ATRX: variants seen among roughly 807,000 people sequenced by gnomAD.
ATRX encodes the protein ATRX chromatin remodeler, also known as chromatin remodeler ATRX.
A neutral mutation model predicts 172.6 loss-of-function variants in ATRX; 12 were observed. That is an observed-to-expected ratio of 0.07 (90% CI 0.04 to 0.11). ATRX has a LOEUF of 0.11. ATRX is among the 10% of genes least tolerant of loss of function. The pLI is 1.00. For synonymous variants in ATRX, 674 were observed against 594.7 expected, an observed-to-expected ratio of 1.13 and a Z score of -1.94; for missense variants, 1,368 against 1,767.4, an observed-to-expected ratio of 0.77 and a Z score of 4.05.
At chrX:77,722,262 C>T (rs1161114199) in intron 1 of ATRX, among the ~76,000 whole-genome samples, 2 of 110,855 alleles carry the variant, frequency 1.8e-5, no homozygotes, top group African/African-American at 3.3e-5. Context: ...AGGACATAGG[C>T]ATGGGCAAAG....
chrX:77,526,265 T>A (rs112691811), intron 30 of ATRX, among the ~76,000 whole-genome samples: 4 of 111,982 alleles, frequency 3.6e-5, no homozygotes, highest in Admixed American at 9.5e-5. Flanking sequence ...CAATGAAAGA[T>A]TCCAGGGGAG....
chrX:77,573,293 C>T (rs1177170330), intron 28 of ATRX, among the ~76,000 whole-genome samples: 1 of 111,492 alleles, frequency 9.0e-6, no homozygotes, highest in Admixed American at 9.5e-5. Flanking sequence ...GTTTTGCAGC[C>T]TAGGAGCAAT....
intron 19 of ATRX, among the ~76,000 whole-genome samples, chrX:77,621,555 G>T (rs782210963): frequency 1.8e-5 from 2 of 112,162 alleles, no homozygotes; most frequent in Non-Finnish European, 3.8e-5. Flanking sequence ...CAAGTGATCT[G>T]CCCGCCTTGG....
chrX:77,530,078 T>A (rs2063520136), intron 30 of ATRX, among the ~76,000 whole-genome samples: 1 of 111,716 alleles, frequency 9.0e-6, no homozygotes, highest in Non-Finnish European at 1.9e-5. Flanking sequence ...GCAAAAGAAC[T>A]GAAATCATAA....
chrX:77,562,171 C>T (rs192524719), intron 28 of ATRX, among the ~76,000 whole-genome samples: 1 of 112,186 alleles, frequency 8.9e-6, no homozygotes, highest in Non-Finnish European at 1.9e-5. Flanking sequence ...CATTCCACTA[C>T]ATAGATATAC....
chrX:77,688,716 G>C (rs986453976), intron 7 of ATRX, 102 bp downstream of exon 7: 26 of 669,835 alleles, frequency 3.9e-5, no homozygotes, highest in Non-Finnish European at 5.8e-5. Context: ...TCCAAGGGCA[G>C]ATACCATTTT....
intron 15 of ATRX, among the ~76,000 whole-genome samples, chrX:77,643,338 T>C (rs111264509): frequency 9.2e-6 from 1 of 108,273 alleles, no homozygotes; most frequent in Non-Finnish European, 1.9e-5. Context: ...AGGGGAACAC[T>C]CCCAAAACAC....
intron 30 of ATRX, among the ~76,000 whole-genome samples, chrX:77,537,572 C>T (rs2063794775): frequency 9.0e-6 from 1 of 110,653 alleles, no homozygotes; most frequent in Non-Finnish European, 1.9e-5. Context: ...TGGTGGTGCA[C>T]GCCTGTAGAT....
At chrX:77,601,056 C>T (rs2066654024) in intron 22 of ATRX, among the ~76,000 whole-genome samples, 2 of 111,121 alleles carry the variant, frequency 1.8e-5, no homozygotes, top group Non-Finnish European at 3.8e-5. Context: ...TATCCAGGTA[C>T]ATATAATCCC....
chrX:77,585,008 A>G (rs1015578511), intron 27 of ATRX, among the ~76,000 whole-genome samples: 1 of 112,109 alleles, frequency 8.9e-6, no homozygotes, highest in Non-Finnish European at 1.9e-5. Flanking sequence ...AATAATAATC[A>G]TTTCTCAAAA....
intron 15 of ATRX, 141 bp from the exon 16 acceptor site, chrX:77,636,197 C>A: frequency 1.6e-6 from 1 of 607,707 alleles, no homozygotes. Flanking sequence ...GGATCTGTGT[C>A]CCCACCAAAT....
intron 1 of ATRX, among the ~76,000 whole-genome samples, chrX:77,736,164 T>A (rs1200877003): frequency 7.2e-5 from 8 of 111,619 alleles, no homozygotes; most frequent in Admixed American, 6.7e-4. Context: ...GGGCAAAATT[T>A]TCTTGAACAA....
At chrX:77,713,844 C>T (rs1557163064) in intron 2 of ATRX, among the ~76,000 whole-genome samples, 1 of 111,212 alleles carries the variant, frequency 9.0e-6, no homozygotes, top group Non-Finnish European at 1.9e-5. Context: ...GATTCTACAC[C>T]GCAAATCCCC....
At chrX:77,753,581 T>G (rs1158651584) in intron 1 of ATRX, among the ~76,000 whole-genome samples, 1 of 111,817 alleles carries the variant, frequency 8.9e-6, no homozygotes, top group Non-Finnish European at 1.9e-5. Context: ...TCTTTCCTGC[T>G]TTCTGATGGG....
chrX:77,567,134 T>A (rs2065227734), intron 28 of ATRX, among the ~76,000 whole-genome samples: 1 of 108,599 alleles, frequency 9.2e-6, no homozygotes, highest in African/African-American at 3.4e-5. Context: ...TACAGATGAA[T>A]CAAAATAGAA....
At chrX:77,681,497 A>T in intron 9 of ATRX, 23 bp downstream of exon 9, 2 of 1,196,233 alleles carry the variant, frequency 1.7e-6, no homozygotes, top group South Asian at 3.5e-5. Flanking sequence ...CAAATTATGA[A>T]TTTTTTATTT....
chrX:77,781,104 C>T (rs539969581), intron 1 of ATRX, among the ~76,000 whole-genome samples: 9 of 111,296 alleles, frequency 8.1e-5, no homozygotes, highest in Middle Eastern at 4.6e-3. Flanking sequence ...TTCCTCTATA[C>T]AAGCAGTTCT....
intron 14 of ATRX, 145 bp from the exon 15 acceptor site, chrX:77,652,498 A>T (rs887495675): frequency 2.7e-5 from 9 of 334,314 alleles, no homozygotes; most frequent in Admixed American, 1.5e-4. Flanking sequence ...GAGTAGTATT[A>T]AAAAAAAAAA....
Position 77,683,945 on chromosome X carries a change from A to C in ATRX, c.1311T>G (p.Ala437=), listed in dbSNP as rs782099666. Residue 437 remains alanine, a synonymous_variant, in exon 9 of 35, where the codon GCT becomes GCG. Coordinates refer to ENST00000373344, the MANE Select transcript of ATRX (RefSeq NM_000489.6). ...CTTTTCGTGCTTTTGTTTCAAACTT[A>C]GCATCTATGACTTTATGCTCTTTGG... The part of the protein sequence containing the change: ...KNTKEHKVID[A]KFETKARKGE... The C allele has an allele frequency of 2.5e-6, 3 of 1,210,482 alleles. No individual in the cohort carries two copies. The highest frequency in any genetic ancestry group is 3.4e-6 in the Non-Finnish European group (3 of 894,723).
Sources: allele counts gnomAD v4.1 joint callset (sites outside exome capture counted in the v4.1 genomes callset), GRCh38; gene constraint gnomAD v4.1.1; transcripts MANE v1.5; gene names NCBI Gene and HGNC (gene_info 2026-07-23, HGNC 2026-07-21).